Variants in SPATA13 observed in about 807,000 individuals in gnomAD.
SPATA13 encodes spermatogenesis-associated protein 13.
A neutral mutation model predicts 104.0 loss-of-function variants in SPATA13; 50 were observed. The ratio of observed to expected loss-of-function variants is 0.48; its 90% confidence interval spans 0.38 to 0.61. The LOEUF is 0.61. SPATA13 is among the 20% of genes least tolerant of loss of function. The probability of loss-of-function intolerance (pLI) is 0.00; values close to 1 mark genes in which losing one functional copy is unlikely to be tolerated. For synonymous variants in SPATA13, 606 were observed against 667.5 expected (o/e 0.91, Z 1.42); for missense variants, 1,524 against 1,690.6 (o/e 0.90, Z 1.73).
chr13:24,176,222 C>G (rs886827024), intron 1 of SPATA13, among the ~76,000 whole-genome samples: 1 of 152,178 alleles, frequency 6.6e-6, no homozygotes, highest in African/African-American at 2.4e-5. Flanking sequence ...GTTACTTATG[C>G]CTGTCTTTTC....
chr13:24,260,911 G>T (rs1874031453), intron 4 of SPATA13, among the ~76,000 whole-genome samples: 1 of 152,230 alleles, frequency 6.6e-6, no homozygotes, highest in Admixed American at 6.5e-5. Context: ...TATGCCTTAA[G>T]TTATGTTCAT....
chr13:24,130,330 C>T (rs1010623094), intron 3 of SPATA13, among the ~76,000 whole-genome samples: 1 of 152,180 alleles, frequency 6.6e-6, no homozygotes, highest in African/African-American at 2.4e-5. Flanking sequence ...AGCTGATGTA[C>T]AGGCACCTCC....
chr13:24,097,486 G>T (rs762613615), intron 3 of SPATA13, among the ~76,000 whole-genome samples: 2 of 152,052 alleles, frequency 1.3e-5, no homozygotes, highest in African/African-American at 2.4e-5. Flanking sequence ...TAGCTCAAAG[G>T]CAAAAATACT....
rs966908188 is a variant in SPATA13 at position 24,305,173 on chromosome 13, G to A, written c.*2400G>A. 7 of 152,084 alleles carry A rather than the reference G, an allele frequency of 4.6e-5. No homozygotes were observed. Among genetic ancestry groups the A allele is most frequent in the Non-Finnish European group, 1.0e-4 (7 of 67,994 alleles). 9.4% of individuals were successfully genotyped at this position (152,084 alleles called of 1,614,324 possible). On this transcript the variant is annotated 3_prime_UTR_variant, in exon 13 of 13. Coordinates refer to ENST00000382108, the MANE Select transcript of SPATA13 (RefSeq NM_001166271.3). ...TTCCTAATATTTATTCATGGGTAAT[G>A]AAGAAATGGTTTGCATTTTGTGGCC... is the stretch of plus-strand genomic sequence containing the variant.
intron 3 of SPATA13, among the ~76,000 whole-genome samples, chr13:24,093,289 A>G (rs1416011446): frequency 6.6e-6 from 1 of 152,234 alleles, no homozygotes; most frequent in African/African-American, 2.4e-5. Context: ...TCCTTCCTGA[A>G]TAGAATACAA....
chr13:24,106,733 C>T (rs1473399946), intron 3 of SPATA13, among the ~76,000 whole-genome samples: 2 of 152,200 alleles, frequency 1.3e-5, no homozygotes, highest in Admixed American at 6.5e-5. Flanking sequence ...GGGCCATGTG[C>T]ACTTTACAGA....
chr13:24,234,800 C>T (rs1257320492), intron 2 of SPATA13, among the ~76,000 whole-genome samples: 1 of 152,106 alleles, frequency 6.6e-6, no homozygotes, highest in Non-Finnish European at 1.5e-5. Flanking sequence ...TTCTAGGATA[C>T]CAGGATCCAT....
chr13:24,092,742 C>T (rs1879947995), intron 3 of SPATA13, among the ~76,000 whole-genome samples: 1 of 152,162 alleles, frequency 6.6e-6, no homozygotes, highest in African/African-American at 2.4e-5. Context: ...GCTATTTCTA[C>T]ATGTTTTAAA....
intron 2 of SPATA13, among the ~76,000 whole-genome samples, chr13:24,236,883 T>C (rs1403020120): frequency 6.6e-6 from 1 of 152,152 alleles, no homozygotes; most frequent in Non-Finnish European, 1.5e-5. Context: ...AGCAATTCCG[T>C]TTCTGGGTAT....
chr13:24,059,411 C>G (rs996747461), intron 3 of SPATA13, among the ~76,000 whole-genome samples: 7 of 146,634 alleles, frequency 4.8e-5, no homozygotes, highest in African/African-American at 1.7e-4. Context: ...GTGTTTTCCA[C>G]TTGATTTCCA....
At position 24,223,201 on chromosome 13, in the gene SPATA13, A is replaced by G; in HGVS notation, c.272A>G (p.His91Arg). The change falls in exon 2 of 13, where the codon CAC (histidine) becomes CGC (arginine). Residue 91 changes from histidine to arginine, a missense_variant. Transcript: ENST00000382108. ...ACGGGTGCCCACCCCGAGCGGCCCC[A>G]CTCCATGGTCCTGGTGGGGAACTCC... ...KRTGAHPERP[H>R]SMVLVGNSST... 6.4e-7 allele frequency: 1 copy of G among 1,551,484 alleles called. No individual in the cohort carries two copies. The highest frequency in any genetic ancestry group is 8.7e-7 in the Non-Finnish European group (1 of 1,146,970).
chr13:24,006,267 G>A (rs1330647461), intron 2 of SPATA13, among the ~76,000 whole-genome samples: 1 of 152,210 alleles, frequency 6.6e-6, no homozygotes, highest in African/African-American at 2.4e-5. Flanking sequence ...TTCATAAGAT[G>A]TCACTCTTGA....
intron 2 of SPATA13, among the ~76,000 whole-genome samples, chr13:23,999,179 G>A (rs961688521): frequency 6.6e-6 from 1 of 151,628 alleles, no homozygotes; most frequent in Non-Finnish European, 1.5e-5. Context: ...CACCTGCCTC[G>A]GCCTCCCAAA....
intron 4 of SPATA13, among the ~76,000 whole-genome samples, chr13:24,270,268 ACCTTTACATGTATG>A (rs374097131): frequency 2.0e-5 from 3 of 152,192 alleles, no homozygotes; most frequent in East Asian, 3.9e-4. Flanking sequence ...TTACATGTAT[ACCTTTACATGTATG>A]CCTTTACATG....
rs2138612344 is a variant in SPATA13, at chr13:24,223,740, A to G, written c.811A>G (p.Thr271Ala). 6.4e-7 allele frequency: 1 copy of G among 1,551,912 alleles called. No individual in the cohort carries two copies. The highest frequency in any genetic ancestry group is 8.7e-7 in the Non-Finnish European group (1 of 1,147,026). Residue 271 changes from threonine (T) to alanine (A), a missense_variant, in exon 2 of 13, where the codon ACC becomes GCC. By Grantham distance (58) the Thr-to-Ala change is moderately conservative. This residue lies in a region of SPATA13 where 1,089 missense variants were observed against 1,135.9 expected (regional missense o/e 0.96). Transcript: ENST00000382108. ...LKKSSFKRKS[T>A]SNLADLRTAH... ...GAAGAGCTCCTTTAAGCGGAAGTCC[A>G]CCTCCAATCTTGCAGACCTCAGGAC...
At chr13:24,103,214 A>G (rs1880313429) in intron 3 of SPATA13, among the ~76,000 whole-genome samples, 1 of 152,164 alleles carries the variant, frequency 6.6e-6, no homozygotes, top group South Asian at 2.1e-4. Flanking sequence ...TGACCTCCCT[A>G]CATATTCCAC....
rs369040656 is a variant in SPATA13 at position 24,198,103 on chromosome 13, C to A, written c.-111-24716C>A. On this transcript the variant is annotated intron_variant, in intron 1 of 12. Transcript: ENST00000382108. ...CTCCACCTCCCGGATTCAAGCGATT[C>A]TCCTGCCTCAGCCTCCCGAGTAGCT... Among the ~76,000 whole-genome samples the A allele has an allele frequency of 1.1e-3, 166 of 152,266 alleles. 5 individuals are homozygous for A. In the South Asian group the frequency reaches 0.026, roughly 23 times the overall value.
At position 24,001,580 on chromosome 13, in the gene SPATA13, T is replaced by G. The variant is rs185932648; in HGVS notation, c.-146-16087T>G. On this transcript the variant is annotated intron_variant, in intron 2 of 14. Transcript: ENST00000424834. ...TTAGGGTCAATCCCATGAATGCCCC[T>G]GTGTCCTGATGGTGATGCTTCCCAG... Among the ~76,000 whole-genome samples, 534 of 152,046 alleles carry G rather than the reference T, an allele frequency of 3.5e-3. 7 individuals carry two copies. Among genetic ancestry groups the G allele is most frequent in the Non-Finnish European group, 1.3e-3 (87 of 67,970 alleles).
chr13:24,062,251 A>G (rs918379844), intron 3 of SPATA13, among the ~76,000 whole-genome samples: 1 of 152,214 alleles, frequency 6.6e-6, no homozygotes, highest in Non-Finnish European at 1.5e-5. Flanking sequence ...CCCCATGTTA[A>G]CTTCTCATGG....
Sources: allele counts gnomAD v4.1 joint callset (sites outside exome capture counted in the v4.1 genomes callset), GRCh38; gene constraint gnomAD v4.1.1; regional missense constraint gnomAD v4.1.1; transcripts MANE v1.5; gene names NCBI Gene and HGNC (gene_info 2026-07-23, HGNC 2026-07-21).